Variants in RNF216 observed in about 807,000 individuals in gnomAD.
The protein encoded by RNF216 is ring finger protein 216.
In RNF216, 72 loss-of-function variants were observed where a neutral mutation model predicts 110.8. That is an observed-to-expected ratio of 0.65 (90% CI 0.54 to 0.79). The LOEUF (loss-of-function observed/expected upper bound fraction) is 0.79. RNF216 is among the 30% of genes least tolerant of loss of function. RNF216 has a pLI of 0.00. For missense variants in RNF216, 1,342 were observed against 1,141.2 expected, an observed-to-expected ratio of 1.18 and a Z score of -2.54; for synonymous variants, 495 against 407.5, an observed-to-expected ratio of 1.21 and a Z score of -2.59.
At chr7:5,720,536 G>A (rs1400947311) in intron 9 of RNF216, among the ~76,000 whole-genome samples, 15 of 152,108 alleles carry the variant, frequency 9.9e-5, no homozygotes, top group Admixed American at 9.8e-4. Flanking sequence ...CTGACTTTCA[G>A]CTGCACAGGG....
chr7:5,712,483 AAAG>A (rs1199398884), intron 12 of RNF216, among the ~76,000 whole-genome samples: 2 of 152,180 alleles, frequency 1.3e-5, no homozygotes, highest in Non-Finnish European at 2.9e-5. Context: ...AAAAAAAAAA[AAAG>A]AAGTTTGAGG....
At chr7:5,707,052 T>G (rs1405460005) in intron 13 of RNF216, among the ~76,000 whole-genome samples, 1 of 152,358 alleles carries the variant, frequency 6.6e-6, no homozygotes, top group East Asian at 1.9e-4. Context: ...CCGGTGGGTG[T>G]TCTTTGCACC....
At chr7:5,698,288 A>G (rs1791749333) in intron 13 of RNF216, among the ~76,000 whole-genome samples, 1 of 152,084 alleles carries the variant, frequency 6.6e-6, no homozygotes, top group Admixed American at 6.5e-5. Flanking sequence ...GGTCTGTTAC[A>G]GGCTATACAA....
rs1258539128 is a variant in RNF216, at chr7:5,696,998, A to T, written c.2061+14763T>A. ...CATTACGCCAGCAACAGCTCCAGGG[A>T]CGGGGGTAGGGGAAGTCTCCAAAAT... is the stretch of plus-strand genomic sequence containing the variant. On this transcript the variant is annotated intron_variant, in intron 13 of 16. Coordinates refer to ENST00000389902, the MANE Select transcript of RNF216 (RefSeq NM_207111.4). This position sits in a 1 kb window ranked among gnomAD's most constrained non-coding sequence, Gnocchi z 5.4. 6.6e-6 allele frequency among the ~76,000 whole-genome samples: 1 copy of T among 152,070 alleles called. No individual in the cohort carries two copies. The highest frequency in any genetic ancestry group is 1.9e-4 in the East Asian group (1 of 5,196).
At chr7:5,757,460 A>G (rs1353585128) in intron 2 of RNF216, among the ~76,000 whole-genome samples, 1 of 151,820 alleles carries the variant, frequency 6.6e-6, no homozygotes, top group Non-Finnish European at 1.5e-5. Flanking sequence ...TTCCTTCCTA[A>G]CAAAATTTTT....
intron 15 of RNF216, 150 bp downstream of exon 15, chr7:5,641,004 T>C: frequency 1.6e-6 from 1 of 624,978 alleles, no homozygotes; most frequent in Non-Finnish European, 2.7e-6. Context: ...ATAATTAGTT[T>C]CTCAAATTTT....
chr7:5,651,396 TTTA>T (rs1160330826), intron 14 of RNF216, among the ~76,000 whole-genome samples: 2 of 151,628 alleles, frequency 1.3e-5, no homozygotes, highest in African/African-American at 4.8e-5. Flanking sequence ...CCTGGATAAT[TTTA>T]TTTTTTATTT....
chr7:5,748,650 AC>A (rs1258988831), intron 3 of RNF216, among the ~76,000 whole-genome samples: 3 of 147,810 alleles, frequency 2.0e-5, no homozygotes, highest in Non-Finnish European at 4.5e-5. Context: ...ACACACACAC[AC>A]ACACACATAA....
chr7:5,689,362 TAAAA>T (rs72421808), intron 13 of RNF216, among the ~76,000 whole-genome samples: 1 of 127,482 alleles, frequency 7.8e-6, no homozygotes, highest in Non-Finnish European at 1.7e-5. Context: ...TTTGTAGTAT[TAAAA>T]AAAAAAAAAA....
chr7:5,623,219 C>T, intron 16 of RNF216, 40 bp from the exon 17 acceptor site: 1 of 1,516,138 alleles, frequency 6.6e-7, no homozygotes, highest in South Asian at 1.3e-5. Context: ...AAACATTAAA[C>T]CAACCTCAAT....
chr7:5,775,402 T>C (rs972609767), intron 1 of RNF216, among the ~76,000 whole-genome samples: 1 of 152,170 alleles, frequency 6.6e-6, no homozygotes, highest in Non-Finnish European at 1.5e-5. Context: ...TGCTTCTCCA[T>C]TTTTCCTTAT....
chr7:5,629,203 A>G (rs1231534518), intron 15 of RNF216, among the ~76,000 whole-genome samples: 1 of 151,716 alleles, frequency 6.6e-6, no homozygotes, highest in Non-Finnish European at 1.5e-5. Flanking sequence ...TCAAAAAAAA[A>G]AAAAAAAAAG....
At chr7:5,702,922 A>G (rs945893013) in intron 13 of RNF216, among the ~76,000 whole-genome samples, 2 of 152,096 alleles carry the variant, frequency 1.3e-5, no homozygotes, top group Admixed American at 6.6e-5. Flanking sequence ...GCCAGTGTCT[A>G]TTTTGTAGGG....
chr7:5,655,062 T>C (rs1788647304), intron 13 of RNF216, among the ~76,000 whole-genome samples: 1 of 152,248 alleles, frequency 6.6e-6, no homozygotes, highest in East Asian at 1.9e-4. Flanking sequence ...GGCATTTAGA[T>C]ACTTTTTAGC....
chr7:5,728,089 T>C (rs1347760987), intron 7 of RNF216, among the ~76,000 whole-genome samples: 2 of 152,122 alleles, frequency 1.3e-5, no homozygotes, highest in African/African-American at 2.4e-5. Flanking sequence ...TCGTGATTAT[T>C]TCTCTCCAAA....
intron 13 of RNF216, among the ~76,000 whole-genome samples, chr7:5,698,254 A>G (rs1453731606): frequency 6.6e-6 from 1 of 152,132 alleles, no homozygotes; most frequent in Non-Finnish European, 1.5e-5. Context: ...GACTGCATGT[A>G]AGCAGTTGTA....
At chr7:5,671,534 G>A in intron 13 of RNF216, among the ~76,000 whole-genome samples, 1 of 152,174 alleles carries the variant, frequency 6.6e-6, no homozygotes, top group Non-Finnish European at 1.5e-5. Flanking sequence ...GCCGGGCACG[G>A]TGGCTCACGC....
At chr7:5,721,482 G>A (rs908970379) in intron 8 of RNF216, among the ~76,000 whole-genome samples, 2 of 152,168 alleles carry the variant, frequency 1.3e-5, no homozygotes, top group Non-Finnish European at 1.5e-5. Context: ...GAGGACATTT[G>A]GGTTTGCTGT....
chr7:5,750,311 T>A (rs1419854975), intron 3 of RNF216, among the ~76,000 whole-genome samples: 1 of 152,204 alleles, frequency 6.6e-6, no homozygotes, highest in Non-Finnish European at 1.5e-5. Context: ...TGGTTTGGTT[T>A]CCTAGCAGAG....
Sources: gnomAD v4.1 joint callset for allele counts (sites outside exome capture counted in the v4.1 genomes callset) on GRCh38, gnomAD v4.1.1 for gene constraint, Gnocchi (gnomAD v3.1) non-coding constraint, MANE v1.5 for transcripts, NCBI Gene and HGNC (gene_info 2026-07-23, HGNC 2026-07-21) for gene names.